PCDHGA7: variants seen among roughly 807,000 people sequenced by gnomAD.
PCDHGA7 encodes the protein protocadherin gamma-A7.
Under a neutral mutation model 58.3 loss-of-function variants are expected in PCDHGA7, and 44 were observed. The observed-to-expected ratio is 0.75, with a 90% CI of 0.59 to 0.97. The LOEUF is 0.97. PCDHGA7 is among the 50% of genes least tolerant of loss of function. PCDHGA7 has a pLI of 0.00. For missense variants in PCDHGA7, 1,266 were observed against 1,188.7 expected (o/e 1.06, Z -0.96); for synonymous variants, 516 against 504.2 (o/e 1.02, Z -0.31).
intron 1 of PCDHGA7, among the ~76,000 whole-genome samples, chr5:141,437,811 C>A (rs964885701): frequency 6.6e-6 from 1 of 150,864 alleles, no homozygotes; most frequent in African/African-American, 2.4e-5. Flanking sequence ...TATCTTGGCT[C>A]ACTGCAACCT....
At chr5:141,419,620 G>C in intron 1 of PCDHGA7, 1 of 1,612,304 alleles carries the variant, frequency 6.2e-7, no homozygotes, top group Non-Finnish European at 8.5e-7. Context: ...CAGGCTACCT[G>C]GTGACCAAGG....
At chr5:141,412,300 A>T (rs1422841541) in intron 1 of PCDHGA7, 2 of 152,248 alleles carry the variant, frequency 1.3e-5, no homozygotes, top group Non-Finnish European at 2.9e-5. Context: ...TTCTTTTCTC[A>T]TTACAATGCA....
At chr5:141,502,118 G>A (rs897244225) in intron 2 of PCDHGA7, among the ~76,000 whole-genome samples, 3 of 152,108 alleles carry the variant, frequency 2.0e-5, no homozygotes, top group African/African-American at 7.2e-5. Context: ...CCTCAGCCAG[G>A]CCCACAGAGC....
At position 141,428,093 on chromosome 5, in the gene PCDHGA7, C is replaced by T. The variant is rs577985465; in HGVS notation, c.2424+42770C>T. On this transcript the variant is annotated intron_variant, in intron 1 of 3. Transcript: ENST00000518325. ...ATTCGGGACACAACGCTTGGCTGTC[C>T]TACCACGTGCTGCAGGCCATCGAGC... 2.4e-4 allele frequency: 380 copies of T among 1,608,880 alleles called. 2 individuals are homozygous for T. The South Asian group carries it at 4.0e-3, about 17-fold the overall frequency.
chr5:141,410,464 G>A, intron 1 of PCDHGA7: 1 of 1,613,994 alleles, frequency 6.2e-7, no homozygotes, highest in South Asian at 1.1e-5. Context: ...CTTATAATCT[G>A]TGCATTGCAC....
chr5:141,444,265 A>G (rs1355824197), intron 1 of PCDHGA7, among the ~76,000 whole-genome samples: 3 of 133,712 alleles, frequency 2.2e-5, no homozygotes, highest in Non-Finnish European at 3.1e-5. Flanking sequence ...TCCGCCTCCC[A>G]GGTTCAAGTG....
In PCDHGA7 at chr5:141,490,211, ACCAGGGACAG is replaced by A. The variant is rs1259297201; in HGVS notation, c.2425-4593_2425-4584del. 1 of 1,614,212 alleles carries A rather than the reference ACCAGGGACAG, an allele frequency of 6.2e-7. No individual in the cohort carries two copies. ...TATGAAATTCATGCAAGAGCCCGTG[ACCAGGGACAG>A]CCTGCCATGGAGGGCCACTGTGTGA... is the stretch of plus-strand genomic sequence containing the variant. On this transcript the variant is annotated intron_variant, in intron 1 of 3. Transcript: ENST00000518325. The surrounding 1 kb of genome is among the most constrained non-coding windows in gnomAD (Gnocchi z 5.4).
In PCDHGA7 at chr5:141,384,787, C is replaced by T. The variant is rs761655907; in HGVS notation, c.1888C>T (p.Arg630Trp). The change falls in exon 1 of 4, where the codon CGG (arginine) becomes TGG (tryptophan). Residue 630 changes from arginine to tryptophan, a missense_variant. By Grantham distance (101) the Arg-to-Trp change is moderately radical. Coordinates refer to ENST00000518325, the MANE Select transcript of PCDHGA7 (RefSeq NM_018920.4). ...GTACACGGGCGAGGTGCGCACGGCTCGGGCCCTGCTGGACAGAGATGCCCT... is the reference window on the plus strand; with the variant it reads ...GTACACGGGCGAGGTGCGCACGGCTTGGGCCCTGCTGGACAGAGATGCCCT... The part of the protein sequence containing the change: ...GLYTGEVRTA[R>W]ALLDRDALKQ... The T allele has an allele frequency of 2.0e-5, 32 of 1,613,552 alleles. No homozygotes were observed. The highest frequency in any genetic ancestry group is 2.4e-5 in the Non-Finnish European group (28 of 1,179,920).
chr5:141,462,462 T>G (rs570804965), intron 1 of PCDHGA7, among the ~76,000 whole-genome samples: 1 of 152,346 alleles, frequency 6.6e-6, no homozygotes, highest in Middle Eastern at 3.4e-3. Flanking sequence ...CTGAAAACTG[T>G]GTATTCTGCT....
intron 1 of PCDHGA7, chr5:141,390,099 C>G: frequency 6.2e-7 from 1 of 1,614,052 alleles, no homozygotes; most frequent in Non-Finnish European, 8.5e-7. Context: ...CGTGGTTCCC[C>G]CCAACTACAG....
Position 141,383,490 on chromosome 5 carries a change from G to A in PCDHGA7, c.591G>A (p.Glu197=). The A allele has an allele frequency of 6.2e-7, 1 of 1,613,286 alleles. No individual in the cohort carries two copies. The highest frequency in any genetic ancestry group is 1.1e-5 in the South Asian group (1 of 91,014). The part of the protein sequence containing the change: ...DETKYPELVL[E]RVLDREEERV... ...CTAAGTACCCGGAACTGGTGCTGGA[G>A]CGGGTGCTGGACCGGGAGGAAGAGC... is the stretch of plus-strand genomic sequence containing the variant. Residue 197 remains glutamate (E), a synonymous_variant, in exon 1 of 4, where the codon GAG becomes GAA. Transcript: ENST00000518325.
At chr5:141,400,500 C>T (rs1025270322) in intron 1 of PCDHGA7, 1 of 1,613,922 alleles carries the variant, frequency 6.2e-7, no homozygotes, top group Non-Finnish European at 8.5e-7. Flanking sequence ...GTAATTCCAG[C>T]GAGTCGACTT....
chr5:141,396,620 A>C (rs1222901061), intron 1 of PCDHGA7: 1 of 142,662 alleles, frequency 7.0e-6, no homozygotes, highest in Admixed American at 7.0e-5. Flanking sequence ...ACTCCGTCTC[A>C]AAAAAAAAAA....
At position 141,487,362 on chromosome 5, in the gene PCDHGA7, C is replaced by T; in HGVS notation, c.2425-7445C>T. On this transcript the variant is annotated intron_variant, in intron 1 of 3. Transcript: ENST00000518325. The surrounding 1 kb of genome is among the most constrained non-coding windows in gnomAD (Gnocchi z 5.0). The stretch of plus-strand genomic sequence containing the variant: ...GGAGTCACATGCTTTCCTGCTGGCA[C>T]CTGTGCCTGTCTCACCAGATCTCGA... 3 of 1,614,200 alleles carry T rather than the reference C, an allele frequency of 1.9e-6. No homozygotes were observed. Among genetic ancestry groups the T allele is most frequent in the Non-Finnish European group, 2.5e-6 (3 of 1,180,044 alleles).
chr5:141,491,578 C>G lies in PCDHGA7; in HGVS notation c.2425-3229C>G, dbSNP rs1438933474. ...CCACTGCTACAGGACGTGCTTTTCA[C>G]CGGCCTCGGACGGCAGTGACTTCAC... On this transcript the variant is annotated intron_variant, in intron 1 of 3. Transcript: ENST00000518325. This position sits in a 1 kb window ranked among gnomAD's most constrained non-coding sequence, Gnocchi z 6.9. The G allele has an allele frequency of 1.9e-6, 3 of 1,614,006 alleles. No individual in the cohort carries two copies. Among genetic ancestry groups the G allele is most frequent in the Non-Finnish European group, 2.5e-6 (3 of 1,180,036 alleles).
At chr5:141,405,246 A>G (rs1163477660) in intron 1 of PCDHGA7, 10 of 1,614,126 alleles carry the variant, frequency 6.2e-6, no homozygotes, top group Non-Finnish European at 8.5e-6. Flanking sequence ...GACTCAAGGA[A>G]GAGTCACCTG....
intron 1 of PCDHGA7, chr5:141,389,608 T>C (rs1458951980): frequency 1.9e-6 from 3 of 1,613,138 alleles, no homozygotes; most frequent in East Asian, 2.2e-5. Context: ...CTCTTCGATA[T>C]GGTGCCGCAC....
intron 1 of PCDHGA7, among the ~76,000 whole-genome samples, chr5:141,458,112 A>C (rs2098937913): frequency 6.6e-6 from 1 of 152,208 alleles, no homozygotes; most frequent in Non-Finnish European, 1.5e-5. Context: ...ATAGTCTCCA[A>C]ATTTTAGAGG....
rs2099668037 is a variant in PCDHGA7 at position 141,487,853 on chromosome 5, T to C, written c.2425-6954T>C. The C allele has an allele frequency of 1.0e-6, 1 of 984,708 alleles. No individual in the cohort carries two copies. The allele number at this position is 984,708 out of a possible 1,614,324, so 61.0% of individuals were successfully genotyped here. The stretch of plus-strand genomic sequence containing the variant: ...CCTATATCTGAGTAAGAAATGAAAG[T>C]AATTGGTGATCAAGAGCCAGGCTGT... On this transcript the variant is annotated intron_variant, in intron 1 of 3. Transcript: ENST00000518325. The surrounding 1 kb of genome is among the most constrained non-coding windows in gnomAD (Gnocchi z 5.0).
Sources: allele counts gnomAD v4.1 joint callset (sites outside exome capture counted in the v4.1 genomes callset), GRCh38; gene constraint gnomAD v4.1.1; non-coding constraint Gnocchi (gnomAD v3.1); transcripts MANE v1.5; gene names NCBI Gene and HGNC (gene_info 2026-07-23, HGNC 2026-07-21).